PLK2: variants seen among roughly 807,000 people sequenced by gnomAD.
The protein encoded by PLK2 is polo like kinase 2, also known as serine/threonine-protein kinase PLK2.
In PLK2, 25 loss-of-function variants were observed where a neutral mutation model predicts 78.1. That is an observed-to-expected ratio of 0.32 (90% confidence interval 0.23 to 0.45). The LOEUF is 0.45. PLK2 is among the 20% of genes least tolerant of loss of function. PLK2 has a pLI of 1.00. For missense variants in PLK2, 566 were observed against 840.2 expected (o/e 0.67, Z 4.04); for synonymous variants, 332 against 298.2 (o/e 1.11, Z -1.17).
rs140600076 is a variant in PLK2 at position 58,459,782 on chromosome 5, G to C, written c.178C>G (p.His60Asp). The C allele has an allele frequency of 1.4e-3, 2,280 of 1,607,880 alleles. 8 individuals carry two copies. Among genetic ancestry groups the C allele is most frequent in the Middle Eastern group, 6.8e-3 (41 of 6,060 alleles). Residue 60 changes from histidine to aspartate, a missense_variant, in exon 1 of 14, where the codon CAC (histidine) becomes GAC (aspartate). Around this residue, in one of 5 missense-constraint regions of PLK2, gnomAD observed 127 missense variants for 122.5 expected, o/e 1.04. Transcript: ENST00000274289. Reference protein sequence around the residue: ...QVPPAAPHHHHHHSHSGPEIS... With the variant: ...QVPPAAPHHHDHHSHSGPEIS... ...TCCGGCCCCGAGTGCGAATGGTGGTGATGGTGGTGAGGGGCCGCCGGGGGC... is the reference window on the plus strand; with the variant it reads ...TCCGGCCCCGAGTGCGAATGGTGGTCATGGTGGTGAGGGGCCGCCGGGGGC...
At chr5:58,459,507 C>T in intron 1 of PLK2, 183 bp downstream of exon 1, 1 of 599,094 alleles carries the variant, frequency 1.7e-6, no homozygotes, top group Admixed American at 3.0e-5. Flanking sequence ...GAATGCAAAG[C>T]CGATCCCCAG....
At position 58,454,561 on chromosome 5, in the gene PLK2, T is replaced by C. The variant is rs191880872; in HGVS notation, c.*22A>G. On this transcript the variant is annotated 3_prime_UTR_variant, in exon 14 of 14. Transcript: ENST00000274289. ...CTCACAGTGGAAAAGAGGAGTCCCA[T>C]AGGGTCCATTCGAAAAGTCTTTCAG... The C allele has an allele frequency of 5.5e-5, 85 of 1,546,768 alleles. No homozygotes were observed. The East Asian group carries it at 1.8e-3, about 33-fold the overall frequency.
chr5:58,454,838 A>C (rs1364710309), intron 13 of PLK2, 64 bp from the exon 14 acceptor site: 3 of 1,457,576 alleles, frequency 2.1e-6, no homozygotes, highest in Non-Finnish European at 2.9e-6. Flanking sequence ...AGTTCAGTCA[A>C]TCACTAAACT....
rs1304043844 is a variant in PLK2, at chr5:58,459,784, T to C, written c.176A>G (p.His59Arg). The change falls in exon 1 of 14, where the codon CAT becomes CGT. Residue 59 changes from histidine to arginine, a missense_variant. Physicochemically the swap from His to Arg is conservative, Grantham distance 29. This residue lies in a region of PLK2 where 127 missense variants were observed against 122.5 expected (regional missense o/e 1.04). Transcript: ENST00000274289. Reference protein sequence around the residue: ...AQVPPAAPHHHHHHSHSGPEI... With the variant: ...AQVPPAAPHHRHHHSHSGPEI... ...CGGCCCCGAGTGCGAATGGTGGTGA[T>C]GGTGGTGAGGGGCCGCCGGGGGCAC... The C allele has an allele frequency of 3.1e-6, 5 of 1,608,080 alleles. No individual in the cohort carries two copies. The highest frequency in any genetic ancestry group is 4.2e-6 in the Non-Finnish European group (5 of 1,179,778).
intron 12 of PLK2, 49 bp from the exon 13 acceptor site, chr5:58,455,070 A>G: frequency 8.4e-7 from 1 of 1,193,658 alleles, no homozygotes; most frequent in Non-Finnish European, 1.2e-6. Context: ...ATTTTGTAGC[A>G]TGCACTCTAT....
chr5:58,457,135 C>T, intron 7 of PLK2, 43 bp from the exon 8 acceptor site: 1 of 1,610,994 alleles, frequency 6.2e-7, no homozygotes, highest in Non-Finnish European at 8.5e-7. Context: ...TGTCAGGTAA[C>T]TGGGATCAAT....
intron 8 of PLK2, 24 bp from the exon 9 acceptor site, chr5:58,456,613 C>T (rs1407781516): frequency 1.5e-6 from 2 of 1,340,420 alleles, no homozygotes; most frequent in Admixed American, 3.5e-5. Flanking sequence ...AACAGAATTA[C>T]AAACATTAGT....
In PLK2 at chr5:58,457,287, G is replaced by A. The variant is rs374121229; in HGVS notation, c.902C>T (p.Ser301Phe). 6.2e-7 allele frequency: 1 copy of A among 1,613,328 alleles called. No homozygotes were observed. The highest frequency in any genetic ancestry group is 1.3e-5 in the African/African-American group (1 of 74,902). Residue 301 changes from serine to phenylalanine, a missense_variant, in exon 7 of 14, where the codon TCC becomes TTC. Ser to Phe is a radical substitution (Grantham distance 155). Coordinates refer to ENST00000274289, the MANE Select transcript of PLK2 (RefSeq NM_006622.4). ...CIREARYTMP[S>F]SLLAPAKHLI... ...GTGCTTGGCAGGAGCCAGCAATGAG[G>A]ACGGCATTGTATACCTTGCTTCCCT...
intron 1 of PLK2, chr5:58,459,401 C>A (rs73094327): frequency 0.017 from 9,503 of 564,984 alleles, 286 homozygotes; most frequent in East Asian, 0.081. Context: ...TCCCTGGGAG[C>A]AGATAGAGGG....
chr5:58,455,820 T>C, intron 10 of PLK2, 41 bp from the exon 11 acceptor site: 1 of 1,604,972 alleles, frequency 6.2e-7, no homozygotes, highest in Middle Eastern at 1.7e-4. Context: ...ATACAATATT[T>C]TAGCAATAAA....
intron 12 of PLK2, 64 bp downstream of exon 12, chr5:58,455,221 T>G: frequency 6.4e-7 from 1 of 1,561,428 alleles, no homozygotes; most frequent in Middle Eastern, 1.7e-4. Context: ...TTCAAAGTGA[T>G]GCAGACACTA....
rs981902527 is a variant in PLK2 at position 58,454,348 on chromosome 5, T to A, written c.*235A>T. 5.0e-6 allele frequency: 2 copies of A among 398,170 alleles called. No individual in the cohort carries two copies. Among genetic ancestry groups the A allele is most frequent in the Non-Finnish European group, 8.9e-6 (2 of 223,514 alleles). The allele number at this position is 398,170 out of a possible 1,614,324, so 24.7% of individuals were successfully genotyped here. A position where few individuals can be genotyped will look rare whatever the true frequency, so the allele number is the denominator to read the frequency against. Reference sequence around the variant, plus strand: ...TCTGCAAAATTGTCTGAAAAACCTTTTAAAACAGGTATCTCAAGGAAAACT... The same window carrying A: ...TCTGCAAAATTGTCTGAAAAACCTTATAAAACAGGTATCTCAAGGAAAACT... On this transcript the variant is annotated 3_prime_UTR_variant, in exon 14 of 14. Transcript: ENST00000274289.
Position 58,454,884 on chromosome 5 carries a change from G to T in PLK2, c.1866+27C>A, listed in dbSNP as rs201825345. On this transcript the variant is annotated intron_variant, in intron 13 of 13. Coordinates refer to ENST00000274289, the MANE Select transcript of PLK2 (RefSeq NM_006622.4). ...AAATCTTTCTGTTTAGGACCTAAAC[G>T]TGCACTTTCCTGAAGAGTTCATTTA... The T allele has an allele frequency of 1.4e-5, 21 of 1,500,912 alleles. No homozygotes were observed. The East Asian group carries it at 4.3e-4, about 31-fold the overall frequency. 93.0% of individuals were successfully genotyped at this position (1,500,912 alleles called of 1,614,324 possible).
In PLK2 at chr5:58,459,003, T is replaced by G. The variant is rs757433605; in HGVS notation, c.360A>C (p.Lys120Asn). 1 of 1,597,228 alleles carries G rather than the reference T, an allele frequency of 6.3e-7. No homozygotes were observed. Among genetic ancestry groups the G allele is most frequent in the Non-Finnish European group, 8.6e-7 (1 of 1,164,760 alleles). ...AKIIPHSRVA[K>N]PHQREKIDKE... ...TACGCACCTTTTCCCTTTGATGAGG[T>G]TTAGCTACTCTGCTGTGAGGAATAA... The change falls in exon 2 of 14, where the codon AAA becomes AAC. Residue 120 changes from lysine (K) to asparagine (N), a missense_variant. Physicochemically the swap from Lys to Asn is moderately conservative, Grantham distance 94. This residue lies in a region of PLK2 where 179 missense variants were observed against 342.3 expected (regional missense o/e 0.52). Coordinates refer to ENST00000274289, the MANE Select transcript of PLK2 (RefSeq NM_006622.4).
intron 12 of PLK2, 92 bp from the exon 13 acceptor site, chr5:58,455,113 C>T: frequency 8.8e-7 from 1 of 1,138,130 alleles, no homozygotes; most frequent in Non-Finnish European, 1.3e-6. Context: ...CAAACTTAAG[C>T]AAGCATCAGA....
rs755750765 is a variant in PLK2, at chr5:58,456,172, T to C, written c.1255-17A>G. The C allele has an allele frequency of 6.9e-6, 11 of 1,603,630 alleles. No homozygotes were observed. In the African/African-American group the frequency reaches 1.3e-4, roughly 20 times the overall value. ...CTGGAGCTCCTTAGAAGAGAGAAGATTTATGCAATGAGTCAAGCATCTAAA... is the reference window on the plus strand; with the variant it reads ...CTGGAGCTCCTTAGAAGAGAGAAGACTTATGCAATGAGTCAAGCATCTAAA... On this transcript the variant is annotated splice_polypyrimidine_tract_variant and intron_variant, in intron 9 of 13. Coordinates refer to ENST00000274289, the MANE Select transcript of PLK2 (RefSeq NM_006622.4).
rs1254675364 is a variant in PLK2, at chr5:58,459,300, TCTC to T, written c.271-211_271-209del. The T allele has an allele frequency of 6.8e-6, 4 of 585,742 alleles. No homozygotes were observed. The African/African-American group carries it at 7.5e-5, about 11-fold the overall frequency. The allele number at this position is 585,742 out of a possible 1,614,324, so 36.3% of individuals were successfully genotyped here. A position where few individuals can be genotyped will look rare whatever the true frequency, so the allele number is the denominator to read the frequency against. ...CTGGAAACAGCAAGTTCAAACAGTT[TCTC>T]TTCTTCTTTTATAAAGGGGAGCTTT... is the stretch of plus-strand genomic sequence containing the variant. On this transcript the variant is annotated intron_variant, in intron 1 of 13. Transcript: ENST00000274289.
chr5:58,456,364 G>A (rs2111708033), intron 9 of PLK2, 128 bp downstream of exon 9: 1 of 805,446 alleles, frequency 1.2e-6, no homozygotes, highest in Non-Finnish European at 2.0e-6. Context: ...CCCTTTCAAA[G>A]GGTTTGAAGA....
In PLK2 at chr5:58,456,946, A is replaced by G. The variant is rs749311972; in HGVS notation, c.1155T>C (p.His385=). 7 of 1,588,514 alleles carry G rather than the reference A, an allele frequency of 4.4e-6. No homozygotes were observed. The highest frequency in any genetic ancestry group is 6.0e-6 in the Non-Finnish European group (7 of 1,163,568). The part of the protein sequence containing the change: ...KKDKARYIDT[H]NRVSKEDEDI... Reference sequence around the variant, plus strand: ...GGAAAAGAAGTCTTGTTAACTTACTATGTGTGTCAATATATCTTGCTTTGT... The same window carrying G: ...GGAAAAGAAGTCTTGTTAACTTACTGTGTGTGTCAATATATCTTGCTTTGT... Residue 385 remains histidine, a splice_region_variant and synonymous_variant, in exon 8 of 14, where the codon CAT becomes CAC. Transcript: ENST00000274289.
Sources: allele counts gnomAD v4.1 joint callset, GRCh38; gene constraint gnomAD v4.1.1; regional missense constraint gnomAD v4.1.1; transcripts MANE v1.5; gene names NCBI Gene and HGNC (gene_info 2026-07-23, HGNC 2026-07-21).